R3HDM1: variants seen among roughly 807,000 people sequenced by gnomAD.
R3HDM1 encodes the protein R3H domain containing 1, also known as R3H domain-containing protein 1.
A neutral mutation model predicts 141.1 loss-of-function variants in R3HDM1; 46 were observed. The ratio of observed to expected loss-of-function variants is 0.33; its 90% CI spans 0.26 to 0.42. The LOEUF is 0.42. R3HDM1 is among the 10% of genes least tolerant of loss of function. The pLI is 1.00. For missense variants in R3HDM1, 1,184 were observed against 1,368.3 expected (o/e 0.87, Z 2.12); for synonymous variants, 435 against 472.9 (o/e 0.92, Z 1.04).
intron 16 of R3HDM1, among the ~76,000 whole-genome samples, chr2:135,648,239 T>C (rs1051782576): frequency 6.6e-6 from 1 of 152,212 alleles, no homozygotes; most frequent in African/African-American, 2.4e-5. Context: ...GAAAGATTTT[T>C]TTAATGCTTT....
rs1174311842 is a variant in R3HDM1 at position 135,649,945 on chromosome 2, C to T, written c.1667C>T (p.Ser556Phe). The stretch of plus-strand genomic sequence containing the variant: ...TCCTCTTCACAGCCTGTTCAGTACT[C>T]TACAGCCCCTTACCCATCCCCGTTC... The part of the protein sequence containing the change: ...LQSSSQPVQY[S>F]TAPYPSPFLP... Residue 556 changes from serine to phenylalanine, a missense_variant, in exon 17 of 27, where the codon TCT (serine) becomes TTT (phenylalanine). Physicochemically the swap from Ser to Phe is radical, Grantham distance 155. Transcript: ENST00000683871. 7.7e-7 allele frequency: 1 copy of T among 1,297,618 alleles called. No homozygotes were observed. The allele number at this position is 1,297,618 out of a possible 1,614,324, so 80.4% of individuals were successfully genotyped here. A position where few individuals can be genotyped will look rare whatever the true frequency, so the allele number is the denominator to read the frequency against.
intron 23 of R3HDM1, among the ~76,000 whole-genome samples, chr2:135,711,147 C>G (rs1575190130): frequency 6.6e-6 from 1 of 152,158 alleles, no homozygotes; most frequent in Non-Finnish European, 1.5e-5. Context: ...TGAATCTATT[C>G]AAGCCTCTAA....
At position 135,652,120 on chromosome 2, in the gene R3HDM1, A is replaced by G. The variant is rs928688854; in HGVS notation, c.2028+88A>G. On this transcript the variant is annotated intron_variant, in intron 18 of 26. Coordinates refer to ENST00000683871, the MANE Select transcript of R3HDM1 (RefSeq NM_001378107.1). ...TCAAAGAACTTATTTTTAAATTCTC[A>G]TGAAGAGAATTTGTGAGAGTATATA... 2.8e-5 allele frequency: 41 copies of G among 1,456,292 alleles called. No individual in the cohort carries two copies. In the African/African-American group the frequency reaches 3.7e-4, roughly 13 times the overall value. 90.2% of individuals were successfully genotyped at this position (1,456,292 alleles called of 1,614,324 possible). A position where few individuals can be genotyped will look rare whatever the true frequency, so the allele number is the denominator to read the frequency against.
At chr2:135,550,911 A>G (rs1439329698) in intron 1 of R3HDM1, among the ~76,000 whole-genome samples, 1 of 152,188 alleles carries the variant, frequency 6.6e-6, no homozygotes, top group African/African-American at 2.4e-5. Flanking sequence ...TATACTTCGT[A>G]TTTTGTTCAG....
rs369671062 is a variant in R3HDM1 at position 135,607,240 on chromosome 2, G to A, written c.171+2224G>A. 12 of 844,348 alleles carry A rather than the reference G, an allele frequency of 1.4e-5. 1 individual carries two copies. The East Asian group carries it at 4.9e-4, about 35-fold the overall frequency. 52.3% of individuals were successfully genotyped at this position (844,348 alleles called of 1,614,324 possible). On this transcript the variant is annotated intron_variant, in intron 3 of 26. Transcript: ENST00000683871. ...TTGACCTCATGATCCACCTGCCTCA[G>A]CCTCCCAAACTGCTGAGATTACAGG...
intron 17 of R3HDM1, chr2:135,650,368 CTG>C (rs2065021143): frequency 3.0e-6 from 3 of 984,862 alleles, no homozygotes; most frequent in Non-Finnish European, 3.6e-6. Context: ...CTCCCCAACA[CTG>C]TAGCTCCAGT....
intron 21 of R3HDM1, among the ~76,000 whole-genome samples, chr2:135,688,265 A>G (rs1054300761): frequency 2.6e-5 from 4 of 152,224 alleles, no homozygotes; most frequent in Non-Finnish European, 4.4e-5. Context: ...GTGTTCAAGC[A>G]TGAGTTGGTA....
At chr2:135,599,733 A>G (rs1394142282) in intron 1 of R3HDM1, among the ~76,000 whole-genome samples, 2 of 152,170 alleles carry the variant, frequency 1.3e-5, no homozygotes, top group African/African-American at 2.4e-5. Flanking sequence ...AAACATTTTT[A>G]TATCAAACAA....
chr2:135,626,079 G>A (rs750835717), intron 7 of R3HDM1, among the ~76,000 whole-genome samples: 8 of 152,162 alleles, frequency 5.3e-5, no homozygotes, highest in Non-Finnish European at 8.8e-5. Context: ...GCAGTCTTGG[G>A]GACTGAGCCC....
intron 1 of R3HDM1, 65 bp downstream of exon 1, chr2:135,531,698 C>T (rs1158799254): frequency 3.0e-6 from 3 of 985,994 alleles, no homozygotes; most frequent in Admixed American, 6.1e-5. Flanking sequence ...TCCCCTCCCC[C>T]GCCCGCCAAC....
intron 1 of R3HDM1, among the ~76,000 whole-genome samples, chr2:135,546,891 C>T (rs764206219): frequency 2.0e-5 from 3 of 152,030 alleles, no homozygotes; most frequent in Non-Finnish European, 2.9e-5. Context: ...AGGCTGGTCT[C>T]GAACTCCTGA....
At chr2:135,717,897 C>T (rs577528730) in intron 24 of R3HDM1, among the ~76,000 whole-genome samples, 14 of 152,224 alleles carry the variant, frequency 9.2e-5, no homozygotes, top group East Asian at 3.9e-4. Flanking sequence ...TCTATAGCAA[C>T]CTTATTTTAT....
intron 19 of R3HDM1, among the ~76,000 whole-genome samples, chr2:135,674,066 C>T (rs1039615105): frequency 7.2e-5 from 11 of 152,160 alleles, no homozygotes; most frequent in African/African-American, 2.7e-4. Context: ...GCCACCACAC[C>T]TGGCCAAGAT....
intron 5 of R3HDM1, chr2:135,620,553 A>G: frequency 1.0e-6 from 1 of 983,756 alleles, no homozygotes; most frequent in African/African-American, 1.7e-5. Flanking sequence ...AGAAGAAAAG[A>G]GATGAAAATA....
chr2:135,550,466 A>G (rs553718084), intron 1 of R3HDM1, among the ~76,000 whole-genome samples: 1 of 152,322 alleles, frequency 6.6e-6, no homozygotes, highest in African/African-American at 2.4e-5. Context: ...ATTAGCATTT[A>G]ACACCTATAC....
At position 135,716,778 on chromosome 2, in the gene R3HDM1, C is replaced by G. The variant is rs143028630; in HGVS notation, c.2881+1084C>G. On this transcript the variant is annotated intron_variant, in intron 24 of 26. Coordinates refer to ENST00000683871, the MANE Select transcript of R3HDM1 (RefSeq NM_001378107.1). ...ACCAGCCTGGCCAAGACAGTGAAAC[C>G]CTGTCTCTACTAAAACTACAAAAAC... Among the ~76,000 whole-genome samples the G allele has an allele frequency of 2.0e-5, 3 of 152,074 alleles. No homozygotes were observed. In the South Asian group the frequency reaches 6.2e-4, roughly 32 times the overall value.
intron 1 of R3HDM1, among the ~76,000 whole-genome samples, chr2:135,584,882 T>TAAGTTTTTAAGA (rs1311426396): frequency 3.9e-5 from 6 of 152,230 alleles, no homozygotes; most frequent in African/African-American, 1.4e-4. Flanking sequence ...CAAGAGTTTC[T>TAAGTTTTTAAGA]GTTACAGTTT....
chr2:135,685,470 A>G (rs1474936812), intron 21 of R3HDM1, among the ~76,000 whole-genome samples: 1 of 152,224 alleles, frequency 6.6e-6, no homozygotes, highest in Non-Finnish European at 1.5e-5. Flanking sequence ...CTGACATGTG[A>G]TGGGAGAATC....
chr2:135,655,707 G>C (rs1005218378), intron 18 of R3HDM1, among the ~76,000 whole-genome samples: 1 of 151,554 alleles, frequency 6.6e-6, no homozygotes, highest in Non-Finnish European at 1.5e-5. Context: ...GGGGTTTCAC[G>C]GTAGTCTCGA....
Sources: allele counts gnomAD v4.1 joint callset (sites outside exome capture counted in the v4.1 genomes callset), GRCh38; gene constraint gnomAD v4.1.1; transcripts MANE v1.5; gene names NCBI Gene and HGNC (gene_info 2026-07-23, HGNC 2026-07-21).